The following ADAMTSL1 variants were observed in gnomAD, a reference collection of about 807,000 sequenced individuals.
The protein encoded by ADAMTSL1 is ADAMTS like 1.
ADAMTSL1 carries 126 observed loss-of-function variants against 201.8 expected under a neutral mutation model. The observed-to-expected ratio is 0.62, with a 90% confidence interval of 0.54 to 0.72. ADAMTSL1 has a LOEUF of 0.72. Among genes scored for constraint, ADAMTSL1 ranks in the 30% least tolerant of loss-of-function variants. The pLI, the probability that ADAMTSL1 is intolerant of heterozygous loss-of-function variation, is 0.00. For missense variants in ADAMTSL1, 2,679 were observed against 2,277.8 expected (o/e 1.18, Z -3.59); for synonymous variants, 1,121 against 903.4 (o/e 1.24, Z -4.32).
In ADAMTSL1 at chr9:18,777,704, A is replaced by G; in HGVS notation, c.3475A>G (p.Arg1159Gly). The change falls in exon 19 of 29, where the codon AGG (arginine) becomes GGG (glycine). Residue 1159 changes from arginine (R) to glycine (G), a missense_variant. By Grantham distance (125) the Arg-to-Gly change is moderately radical. Transcript: ENST00000380548. ...CGGGGACGCCGGGGGAGGCTCTCGA[A>G]GGCCACACCGCAAGCCCACCATCCT... ...STGDAGGGSR[R>G]PHRKPTILRK... 1 of 1,613,368 alleles carries G rather than the reference A, an allele frequency of 6.2e-7. No individual in the cohort carries two copies. The highest frequency in any genetic ancestry group is 8.5e-7 in the Non-Finnish European group (1 of 1,179,690).
Position 17,922,079 on chromosome 9 carries a change from A to T in ADAMTSL1, c.87+15157A>T, listed in dbSNP as rs921920118. Among the ~76,000 whole-genome samples the T allele has an allele frequency of 8.7e-5, 9 of 103,660 alleles. No individual in the cohort carries two copies. The Admixed American group carries it at 1.1e-3, about 13-fold the overall frequency. 68.0% of individuals were successfully genotyped at this position (103,660 alleles called of 152,430 possible). ...AATGTATTCTCTAAGGTGTGATTGC[A>T]GTTCAGGCTTTTTTTTTTTTTGTGG... On this transcript the variant is annotated intron_variant, in intron 1 of 29. Transcript: ENST00000680146.
At chr9:18,256,821 C>A (rs1162115790) in intron 2 of ADAMTSL1, among the ~76,000 whole-genome samples, 1 of 152,188 alleles carries the variant, frequency 6.6e-6, no homozygotes, top group Non-Finnish European at 1.5e-5. Context: ...ACTGCCTGTT[C>A]CTTGGGAATG....
intron 3 of ADAMTSL1, among the ~76,000 whole-genome samples, chr9:18,540,439 G>A (rs1309339357): frequency 6.6e-6 from 1 of 152,200 alleles, no homozygotes; most frequent in Admixed American, 6.5e-5. Context: ...GAGGTGGTCA[G>A]GAAATTCTCT....
chr9:18,332,126 C>G (rs1835053582), intron 2 of ADAMTSL1, among the ~76,000 whole-genome samples: 1 of 152,140 alleles, frequency 6.6e-6, no homozygotes, highest in Non-Finnish European at 1.5e-5. Context: ...AACAATTCTT[C>G]TAGCACAAGC....
At chr9:18,723,881 T>C (rs1243147159) in intron 15 of ADAMTSL1, 1 of 152,230 alleles carries the variant, frequency 6.6e-6, no homozygotes, top group African/African-American at 2.4e-5. Flanking sequence ...TCTCCTGGTG[T>C]TCAATGTATA....
chr9:18,846,724 T>C (rs2131349643), intron 23 of ADAMTSL1, among the ~76,000 whole-genome samples: 1 of 152,234 alleles, frequency 6.6e-6, no homozygotes, highest in East Asian at 1.9e-4. Flanking sequence ...CAGGTAACCA[T>C]AGATTACTGT....
intron 20 of ADAMTSL1, among the ~76,000 whole-genome samples, chr9:18,807,488 A>G (rs1823218115): frequency 6.6e-6 from 1 of 152,098 alleles, no homozygotes; most frequent in South Asian, 2.1e-4. Context: ...ACTAAAAAAT[A>G]CAAAAAATTA....
intron 2 of ADAMTSL1, among the ~76,000 whole-genome samples, chr9:18,258,769 C>T (rs1300969489): frequency 6.6e-6 from 1 of 152,228 alleles, no homozygotes; most frequent in Non-Finnish European, 1.5e-5. Context: ...GTCCCTCACA[C>T]ACCAGGTTGT....
At chr9:18,577,710 A>G (rs1431605961) in intron 4 of ADAMTSL1, among the ~76,000 whole-genome samples, 1 of 152,188 alleles carries the variant, frequency 6.6e-6, no homozygotes, top group Non-Finnish European at 1.5e-5. Flanking sequence ...AAGTTGAAAA[A>G]TATATTAAAC....
intron 5 of ADAMTSL1, among the ~76,000 whole-genome samples, chr9:18,623,140 C>T (rs1826137707): frequency 6.6e-6 from 1 of 152,282 alleles, no homozygotes; most frequent in Middle Eastern, 3.4e-3. Flanking sequence ...AAGTGATCCA[C>T]CCGCCTCAGC....
intron 15 of ADAMTSL1, among the ~76,000 whole-genome samples, chr9:18,743,834 G>A (rs1818981756): frequency 6.6e-6 from 1 of 152,020 alleles, no homozygotes; most frequent in African/African-American, 2.4e-5. Context: ...CTCTTTTAAG[G>A]GTTTTCTAGA....
chr9:18,554,619 AC>A (rs1820997083), intron 3 of ADAMTSL1, among the ~76,000 whole-genome samples: 1 of 151,388 alleles, frequency 6.6e-6, no homozygotes, highest in African/African-American at 2.4e-5. Flanking sequence ...CCCGTAGCCA[AC>A]CTGAGATAAG....
intron 2 of ADAMTSL1, among the ~76,000 whole-genome samples, chr9:18,518,048 T>C (rs962454275): frequency 3.3e-5 from 5 of 152,144 alleles, no homozygotes; most frequent in Admixed American, 2.6e-4. Context: ...CACGAAATAT[T>C]TGTAAAGCAC....
intron 26 of ADAMTSL1, among the ~76,000 whole-genome samples, chr9:18,896,958 G>A (rs2131585151): frequency 6.6e-6 from 1 of 152,270 alleles, no homozygotes; most frequent in African/African-American, 2.4e-5. Context: ...CCTGCCGAGT[G>A]CATCAGGCTG....
intron 2 of ADAMTSL1, among the ~76,000 whole-genome samples, chr9:18,512,036 GAAAGA>G (rs1818063349): frequency 6.6e-6 from 1 of 152,166 alleles, no homozygotes; most frequent in Non-Finnish European, 1.5e-5. Flanking sequence ...TTGTTTAAAA[GAAAGA>G]TATACAAGTT....
chr9:18,075,212 A>G (rs10738498), intron 1 of ADAMTSL1, among the ~76,000 whole-genome samples: 96,677 of 152,046 alleles, frequency 0.64, 31,106 homozygotes, highest in African/African-American at 0.74. Flanking sequence ...TGAAATTTGC[A>G]TCATTTCTTA....
intron 4 of ADAMTSL1, among the ~76,000 whole-genome samples, chr9:18,615,883 T>C (rs1257103177): frequency 6.6e-6 from 1 of 152,148 alleles, no homozygotes; most frequent in African/African-American, 2.4e-5. Context: ...ATTAGTAATA[T>C]CTACTGTGGT....
intron 3 of ADAMTSL1, among the ~76,000 whole-genome samples, chr9:18,552,364 C>T (rs1406652579): frequency 2.6e-5 from 4 of 151,760 alleles, no homozygotes; most frequent in Non-Finnish European, 5.9e-5. Context: ...TGTTCATTAA[C>T]TTCTAAATAC....
intron 2 of ADAMTSL1, among the ~76,000 whole-genome samples, chr9:18,330,253 TTC>T (rs1834976820): frequency 6.6e-6 from 1 of 152,162 alleles, no homozygotes; most frequent in African/African-American, 2.4e-5. Context: ...CTGCCTATTA[TTC>T]TCAGTGTCAT....
Sources: allele counts gnomAD v4.1 joint callset (sites outside exome capture counted in the v4.1 genomes callset), GRCh38; gene constraint gnomAD v4.1.1; transcripts MANE v1.5; gene names NCBI Gene and HGNC (gene_info 2026-07-23, HGNC 2026-07-21).